LAMA2: variants seen among roughly 807,000 people sequenced by gnomAD.
LAMA2 encodes the protein laminin subunit alpha-2.
In LAMA2, 269 loss-of-function variants were observed where a neutral mutation model predicts 364.8. That is an observed-to-expected ratio of 0.74 (90% CI 0.67 to 0.82). The LOEUF (loss-of-function observed/expected upper bound fraction) is 0.82, where lower values mean the gene tolerates loss of function less well. LAMA2 is among the 40% of genes least tolerant of loss of function. The probability of loss-of-function intolerance (pLI) is 0.00; values close to 1 mark genes in which losing one functional copy is unlikely to be tolerated. For synonymous variants in LAMA2, 1,379 were observed against 1,370.6 expected, an observed-to-expected ratio of 1.01 and a Z score of -0.14; for missense variants, 3,807 against 3,873.2, an observed-to-expected ratio of 0.98 and a Z score of 0.45.
intron 40 of LAMA2, among the ~76,000 whole-genome samples, chr6:129,422,159 C>G (rs1338733291): frequency 2.0e-5 from 3 of 152,106 alleles, no homozygotes; most frequent in Non-Finnish European, 4.4e-5. Flanking sequence ...CTGCCTGCCT[C>G]CCTGCCTTTC....
Position 129,491,896 on chromosome 6 carries a change from A to G in LAMA2, c.7899-5A>G. 1 of 1,598,784 alleles carries G rather than the reference A, an allele frequency of 6.3e-7. No individual in the cohort carries two copies. On this transcript the variant is annotated splice_polypyrimidine_tract_variant and splice_region_variant and intron_variant, in intron 56 of 64. Coordinates refer to ENST00000421865, the MANE Select transcript of LAMA2 (RefSeq NM_000426.4). ...TATACTTGTTTATTTTTAATATTTT[A>G]TCAGCATCTTTACAGTTCAAGTGGA...
chr6:128,954,110 A>T (rs566808926), intron 1 of LAMA2, among the ~76,000 whole-genome samples: 1 of 152,262 alleles, frequency 6.6e-6, no homozygotes, highest in Non-Finnish European at 1.5e-5. Flanking sequence ...CCAGTGGATT[A>T]TCTACCAATT....
chr6:128,941,961 A>G (rs1176064384), intron 1 of LAMA2, among the ~76,000 whole-genome samples: 1 of 152,198 alleles, frequency 6.6e-6, no homozygotes, highest in Non-Finnish European at 1.5e-5. Context: ...GGATCTTTAG[A>G]TAACACTATC....
chr6:129,174,750 T>C (rs186118281), intron 9 of LAMA2, among the ~76,000 whole-genome samples: 2 of 152,230 alleles, frequency 1.3e-5, no homozygotes, highest in African/African-American at 4.8e-5. Context: ...AATTTTGTAG[T>C]TTCTCATCTC....
intron 44 of LAMA2, among the ~76,000 whole-genome samples, chr6:129,443,561 T>G (rs1182907019): frequency 6.6e-6 from 1 of 152,176 alleles, no homozygotes; most frequent in Non-Finnish European, 1.5e-5. Flanking sequence ...TGCAAGAGGA[T>G]TAAAATAGAT....
chr6:128,993,607 C>T (rs891799387), intron 1 of LAMA2, among the ~76,000 whole-genome samples: 4 of 152,008 alleles, frequency 2.6e-5, no homozygotes, highest in Non-Finnish European at 5.9e-5. Context: ...TTATGGTTGA[C>T]AGTCGTGGTA....
rs1554210041 is a variant in LAMA2, at chr6:129,066,039, T to TATGTA, written c.396+6143_396+6144insATGTA. Reference sequence around the variant, plus strand: ...CTTTTGTAAATTGCCCAGTCTCAGGTTTTTTTTTTTTTTTTTTTTTTTTTG... The same window carrying TATGTA: ...CTTTTGTAAATTGCCCAGTCTCAGGTATGTATTTTTTTTTTTTTTTTTTTTTTTTG... On this transcript the variant is annotated intron_variant, in intron 3 of 64. Transcript: ENST00000421865. Among the ~76,000 whole-genome samples, 4 of 74,648 alleles carry TATGTA rather than the reference T, an allele frequency of 5.4e-5. 1 individual carries two copies. The South Asian group carries it at 2.1e-3, about 39-fold the overall frequency. 49.0% of individuals were successfully genotyped at this position (74,648 alleles called of 152,430 possible).
chr6:128,985,208 C>T (rs1235000289), intron 1 of LAMA2, among the ~76,000 whole-genome samples: 2 of 152,082 alleles, frequency 1.3e-5, no homozygotes, highest in Non-Finnish European at 2.9e-5. Context: ...TGGAAAGAAA[C>T]TGATAGCTTC....
Position 129,328,774 on chromosome 6 carries a change from T to C in LAMA2, c.4311+362T>C, listed in dbSNP as rs1775453535. On this transcript the variant is annotated intron_variant, in intron 29 of 64. Coordinates refer to ENST00000421865, the MANE Select transcript of LAMA2 (RefSeq NM_000426.4). ...TTAAGAAGAAAAAATTCACCCAAAATGCAACATAACATTTTAATGTTTTAA... is the reference window on the plus strand; with the variant it reads ...TTAAGAAGAAAAAATTCACCCAAAACGCAACATAACATTTTAATGTTTTAA... Among the ~76,000 whole-genome samples the C allele has an allele frequency of 2.6e-5, 4 of 152,174 alleles. No individual in the cohort carries two copies. The South Asian group carries it at 8.3e-4, about 31-fold the overall frequency.
chr6:129,268,597 A>G (rs892485447), intron 16 of LAMA2, among the ~76,000 whole-genome samples: 3 of 152,114 alleles, frequency 2.0e-5, no homozygotes, highest in Non-Finnish European at 4.4e-5. Context: ...TTCTAAAACT[A>G]GAAGCCTTTT....
At chr6:129,193,824 A>G (rs780913955) in intron 12 of LAMA2, among the ~76,000 whole-genome samples, 9 of 152,208 alleles carry the variant, frequency 5.9e-5, no homozygotes, top group Non-Finnish European at 1.2e-4. Context: ...ATGACATGTG[A>G]GTATTGAAAT....
intron 51 of LAMA2, among the ~76,000 whole-genome samples, chr6:129,465,555 A>G (rs1231450273): frequency 1.3e-5 from 2 of 151,926 alleles, no homozygotes; most frequent in East Asian, 1.9e-4. Context: ...TTGCAAAATT[A>G]TATCCTGTAA....
chr6:129,412,563 A>G (rs1252068982), intron 40 of LAMA2, among the ~76,000 whole-genome samples: 2 of 152,174 alleles, frequency 1.3e-5, no homozygotes, highest in Non-Finnish European at 2.9e-5. Flanking sequence ...AGACAAAAAA[A>G]GAGAAAAAGA....
At chr6:129,090,602 G>A (rs1023477410) in intron 3 of LAMA2, among the ~76,000 whole-genome samples, 1 of 152,180 alleles carries the variant, frequency 6.6e-6, no homozygotes, top group Non-Finnish European at 1.5e-5. Flanking sequence ...TGTGTGTCCA[G>A]TAGTGTTTCT....
chr6:129,274,899 G>T (rs1431916250), intron 17 of LAMA2, among the ~76,000 whole-genome samples: 2 of 151,844 alleles, frequency 1.3e-5, no homozygotes, highest in Non-Finnish European at 2.9e-5. Flanking sequence ...GAATACTTAG[G>T]ATGTGTTTGA....
At chr6:129,356,851 T>C (rs927999990) in intron 32 of LAMA2, among the ~76,000 whole-genome samples, 1 of 152,136 alleles carries the variant, frequency 6.6e-6, no homozygotes, top group Non-Finnish European at 1.5e-5. Flanking sequence ...TAAAACATTA[T>C]GGCATTTATG....
intron 1 of LAMA2, among the ~76,000 whole-genome samples, chr6:128,893,400 TTATGTATTAATATACATA>T (rs1441870465): frequency 1.3e-5 from 2 of 151,824 alleles, no homozygotes; most frequent in Non-Finnish European, 2.9e-5. Flanking sequence ...ATTAATAATG[TTATGTATTAATATACATA>T]TATGTATTAA....
chr6:128,891,070 A>T (rs1012694280), intron 1 of LAMA2, among the ~76,000 whole-genome samples: 5 of 152,108 alleles, frequency 3.3e-5, no homozygotes, highest in African/African-American at 9.6e-5. Flanking sequence ...CCTAGCACTC[A>T]CAGGACCTAA....
chr6:128,893,652 C>T (rs1356055607), intron 1 of LAMA2, among the ~76,000 whole-genome samples: 1 of 151,788 alleles, frequency 6.6e-6, no homozygotes, highest in Non-Finnish European at 1.5e-5. Context: ...TAAAAATAGC[C>T]TAAGGGCTCT....
Sources: allele counts gnomAD v4.1 joint callset (sites outside exome capture counted in the v4.1 genomes callset), GRCh38; gene constraint gnomAD v4.1.1; transcripts MANE v1.5; gene names NCBI Gene and HGNC (gene_info 2026-07-23, HGNC 2026-07-21).